The following PLXDC2 variants were observed in gnomAD, a reference collection of about 807,000 sequenced individuals.
The protein encoded by PLXDC2 is plexin domain-containing protein 2.
PLXDC2 carries 40 observed loss-of-function variants against 68.9 expected under a neutral mutation model. That is an observed-to-expected ratio of 0.58 (90% confidence interval 0.45 to 0.76). The LOEUF (loss-of-function observed/expected upper bound fraction) is 0.76, where lower values mean the gene tolerates loss of function less well. Among genes scored for constraint, PLXDC2 ranks in the 30% least tolerant of loss-of-function variants. The probability of loss-of-function intolerance (pLI) is 0.00; values close to 1 mark genes in which losing one functional copy is unlikely to be tolerated. For missense variants in PLXDC2, 644 were observed against 661.9 expected, an observed-to-expected ratio of 0.97 and a Z score of 0.30; for synonymous variants, 243 against 234.2, an observed-to-expected ratio of 1.04 and a Z score of -0.34.
At chr10:19,962,335 CTTTTT>C (rs33953842) in intron 1 of PLXDC2, among the ~76,000 whole-genome samples, 2 of 58,456 alleles carry the variant, frequency 3.4e-5, no homozygotes, top group African/African-American at 7.5e-5. Context: ...AAAGGAGGTT[CTTTTT>C]TTTTTTTTTT....
chr10:20,274,498 G>A (rs536758948), intron 13 of PLXDC2, among the ~76,000 whole-genome samples: 9 of 152,210 alleles, frequency 5.9e-5, no homozygotes, highest in South Asian at 2.1e-4. Context: ...ACATATCAAC[G>A]ACAGGTAGTA....
chr10:20,251,545 A>C (rs1045063771), intron 13 of PLXDC2, among the ~76,000 whole-genome samples: 3 of 152,134 alleles, frequency 2.0e-5, no homozygotes, highest in Non-Finnish European at 4.4e-5. Context: ...TTATTGTTTC[A>C]TGAACATAGG....
At chr10:19,863,376 G>C (rs1837350916) in intron 1 of PLXDC2, among the ~76,000 whole-genome samples, 1 of 152,206 alleles carries the variant, frequency 6.6e-6, no homozygotes, top group African/African-American at 2.4e-5. Context: ...TTGCAGGGCT[G>C]GTACGTTGCA....
rs575126269 is a variant in PLXDC2, at chr10:20,239,535, A to G, written c.1313-5810A>G. On this transcript the variant is annotated intron_variant, in intron 12 of 13. Coordinates refer to ENST00000377252, the MANE Select transcript of PLXDC2 (RefSeq NM_032812.9). ...GAAGGGGAAGTGCCACTTTCAAACC[A>G]TCAGATCTCATGGGGACTCACTATC... Among the ~76,000 whole-genome samples the G allele has an allele frequency of 6.6e-5, 10 of 152,306 alleles. No individual in the cohort carries two copies. In the South Asian group the frequency reaches 1.9e-3, roughly 28 times the overall value.
chr10:19,820,139 G>A (rs899917153), intron 1 of PLXDC2, among the ~76,000 whole-genome samples: 1 of 152,134 alleles, frequency 6.6e-6, no homozygotes, highest in African/African-American at 2.4e-5. Context: ...GGTAATTTTT[G>A]TTGTTGTTGT....
Position 20,287,261 on chromosome 10 carries a change from T to C in PLXDC2, c.*7442T>C, listed in dbSNP as rs988846676. The C allele has an allele frequency of 6.6e-6, 1 of 152,240 alleles. No homozygotes were observed. The highest frequency in any genetic ancestry group is 1.5e-5 in the Non-Finnish European group (1 of 68,050). The allele number at this position is 152,240 out of a possible 1,614,324, so 9.4% of individuals were successfully genotyped here. A position where few individuals can be genotyped will look rare whatever the true frequency, so the allele number is the denominator to read the frequency against. On this transcript the variant is annotated 3_prime_UTR_variant, in exon 14 of 14. Transcript: ENST00000377252. ...TGGAGGCCTTTGTCCTAGAGAATTATGTGACTTGCCCTAGAGAATTAGTGA... is the reference window on the plus strand; with the variant it reads ...TGGAGGCCTTTGTCCTAGAGAATTACGTGACTTGCCCTAGAGAATTAGTGA...
intron 1 of PLXDC2, among the ~76,000 whole-genome samples, chr10:19,955,074 A>ATTTTTT (rs750051734): frequency 5.0e-5 from 5 of 99,290 alleles, no homozygotes; most frequent in Non-Finnish European, 6.0e-5. Flanking sequence ...CCTTTCACTG[A>ATTTTTT]TTTTTTTTTT....
chr10:20,087,046 A>T (rs1833208688), intron 4 of PLXDC2, among the ~76,000 whole-genome samples: 1 of 152,208 alleles, frequency 6.6e-6, no homozygotes, highest in Admixed American at 6.5e-5. Context: ...AATTCTGAAG[A>T]CGCAACAAAA....
chr10:19,897,651 A>G (rs924340053), intron 1 of PLXDC2, among the ~76,000 whole-genome samples: 13 of 152,184 alleles, frequency 8.5e-5, no homozygotes, highest in Admixed American at 6.5e-5. Flanking sequence ...TTTTAAGACT[A>G]TATATAAAAT....
intron 9 of PLXDC2, among the ~76,000 whole-genome samples, chr10:20,200,851 G>A (rs1834907550): frequency 6.6e-6 from 1 of 152,060 alleles, no homozygotes; most frequent in Admixed American, 6.6e-5. Context: ...AGTTAGAGTA[G>A]CTATCATCAA....
At chr10:19,832,909 T>C (rs1395993311) in intron 1 of PLXDC2, among the ~76,000 whole-genome samples, 1 of 152,214 alleles carries the variant, frequency 6.6e-6, no homozygotes, top group African/African-American at 2.4e-5. Context: ...GCTCTGAAAT[T>C]TCCTCGTTGC....
intron 1 of PLXDC2, among the ~76,000 whole-genome samples, chr10:19,937,538 G>T (rs1397377184): frequency 2.1e-5 from 2 of 93,228 alleles, no homozygotes; most frequent in Admixed American, 1.2e-4. Context: ...TCACATTATA[G>T]TCAATGTATA....
chr10:19,962,551 C>T (rs998204972), intron 1 of PLXDC2, among the ~76,000 whole-genome samples: 76 of 149,124 alleles, frequency 5.1e-4, no homozygotes, highest in African/African-American at 1.6e-3. Context: ...CCTCCACGCC[C>T]GGCTAATTTT....
At chr10:20,256,358 C>A (rs956037837) in intron 13 of PLXDC2, among the ~76,000 whole-genome samples, 1 of 151,710 alleles carries the variant, frequency 6.6e-6, no homozygotes, top group African/African-American at 2.4e-5. Flanking sequence ...GTCTCAAACT[C>A]CTGACCTCAA....
At chr10:20,130,882 T>C (rs933870495) in intron 4 of PLXDC2, among the ~76,000 whole-genome samples, 3 of 152,190 alleles carry the variant, frequency 2.0e-5, no homozygotes, top group Non-Finnish European at 4.4e-5. Flanking sequence ...AGATTTTCTA[T>C]TATTTGGTAA....
At chr10:19,891,599 A>G (rs1039963393) in intron 1 of PLXDC2, among the ~76,000 whole-genome samples, 5 of 152,278 alleles carry the variant, frequency 3.3e-5, no homozygotes, top group Admixed American at 3.3e-4. Flanking sequence ...CCTCCTCCTT[A>G]AAAGCTTCCT....
chr10:20,114,694 C>A (rs758371872), intron 4 of PLXDC2, among the ~76,000 whole-genome samples: 1 of 152,082 alleles, frequency 6.6e-6, no homozygotes, highest in Non-Finnish European at 1.5e-5. Flanking sequence ...GGCACAGAAG[C>A]AGGAAAGTAT....
intron 2 of PLXDC2, among the ~76,000 whole-genome samples, chr10:20,005,564 G>A (rs1453539555): frequency 2.0e-5 from 3 of 152,120 alleles, no homozygotes; most frequent in African/African-American, 7.2e-5. Context: ...CAGGAAGCAT[G>A]GCTCCAGCAT....
chr10:20,164,457 T>A lies in PLXDC2; in HGVS notation c.784-11T>A. The A allele has an allele frequency of 6.2e-7, 1 of 1,602,236 alleles. No individual in the cohort carries two copies. The highest frequency in any genetic ancestry group is 8.6e-7 in the Non-Finnish European group (1 of 1,169,474). On this transcript the variant is annotated splice_polypyrimidine_tract_variant and intron_variant, in intron 6 of 13. Coordinates refer to ENST00000377252, the MANE Select transcript of PLXDC2 (RefSeq NM_032812.9). ...ATCTAACATATAGTTACCTGCTTTG[T>A]TTTTTTCCAGATTCCTGTCTTGGTC...
Sources: allele counts gnomAD v4.1 joint callset (sites outside exome capture counted in the v4.1 genomes callset), GRCh38; gene constraint gnomAD v4.1.1; transcripts MANE v1.5; gene names NCBI Gene and HGNC (gene_info 2026-07-23, HGNC 2026-07-21).